PITPNC1: variants seen among roughly 807,000 people sequenced by gnomAD.
PITPNC1 encodes the protein cytoplasmic phosphatidylinositol transfer protein 1.
Under a neutral mutation model 44.7 loss-of-function variants are expected in PITPNC1, and 18 were observed. The ratio of observed to expected loss-of-function variants is 0.40; its 90% CI spans 0.28 to 0.60. The LOEUF (loss-of-function observed/expected upper bound fraction) is 0.60. PITPNC1 is among the 20% of genes least tolerant of loss of function. The pLI is 0.39. For missense variants in PITPNC1, 290 were observed against 418.4 expected (o/e 0.69, Z 2.68); for synonymous variants, 141 against 149.6 (o/e 0.94, Z 0.42).
intron 5 of PITPNC1, among the ~76,000 whole-genome samples, chr17:67,603,587 G>A (rs944504163): frequency 1.9e-4 from 29 of 152,254 alleles, no homozygotes; most frequent in African/African-American, 5.3e-4. Flanking sequence ...CTTGGAGCAC[G>A]TGCTCTCATG....
At chr17:67,476,893 C>T (rs765240788) in intron 1 of PITPNC1, among the ~76,000 whole-genome samples, 1 of 152,140 alleles carries the variant, frequency 6.6e-6, no homozygotes, top group Non-Finnish European at 1.5e-5. Context: ...ATGAACCAGT[C>T]GCATCAGCAT....
chr17:67,410,087 G>T (rs1041050203), intron 1 of PITPNC1, among the ~76,000 whole-genome samples: 1 of 152,170 alleles, frequency 6.6e-6, no homozygotes, highest in African/African-American at 2.4e-5. Context: ...CGATGTGTCA[G>T]AACTACGTTT....
intron 5 of PITPNC1, among the ~76,000 whole-genome samples, chr17:67,579,693 T>A (rs2041202416): frequency 6.9e-6 from 1 of 145,402 alleles, no homozygotes. Context: ...AATCCTAGCA[T>A]GTTGGGAGGC....
intron 1 of PITPNC1, among the ~76,000 whole-genome samples, chr17:67,524,042 C>T (rs2040364270): frequency 6.6e-6 from 1 of 152,002 alleles, no homozygotes; most frequent in Non-Finnish European, 1.5e-5. Context: ...GAACTCCTGA[C>T]CTCGTGATCC....
intron 4 of PITPNC1, among the ~76,000 whole-genome samples, chr17:67,564,101 A>T (rs2040941853): frequency 6.6e-6 from 1 of 152,088 alleles, no homozygotes. Context: ...TAACAGATAG[A>T]TGGATAGATT....
rs1404030818 is a variant in PITPNC1 at position 67,693,785 on chromosome 17, G to C, written c.*897G>C. On this transcript the variant is annotated 3_prime_UTR_variant, in exon 9 of 9. Transcript: ENST00000581322. ...CCACTCAAAGAAGTACAAGGGTAGA[G>C]TAAGCTAACTGGGCTTTAACATGGT... 1 of 152,242 alleles carries C rather than the reference G, an allele frequency of 6.6e-6. No individual in the cohort carries two copies. The highest frequency in any genetic ancestry group is 1.5e-5 in the Non-Finnish European group (1 of 68,040). The allele number at this position is 152,242 out of a possible 1,614,324, so 9.4% of individuals were successfully genotyped here. A position where few individuals can be genotyped will look rare whatever the true frequency, so the allele number is the denominator to read the frequency against.
At chr17:67,426,326 C>T (rs561977013) in intron 1 of PITPNC1, among the ~76,000 whole-genome samples, 43 of 152,150 alleles carry the variant, frequency 2.8e-4, no homozygotes, top group South Asian at 2.5e-3. Context: ...TATTGTGGCA[C>T]GATTTACAAG....
intron 4 of PITPNC1, among the ~76,000 whole-genome samples, chr17:67,572,171 G>A (rs1392305438): frequency 1.3e-5 from 2 of 152,048 alleles, no homozygotes; most frequent in Non-Finnish European, 2.9e-5. Flanking sequence ...AGCAAGTTCA[G>A]GTGTGGTTAC....
In PITPNC1 at chr17:67,676,291, T is replaced by C. The variant is rs1212449140; in HGVS notation, c.682+749T>C. Among the ~76,000 whole-genome samples the C allele has an allele frequency of 1.3e-5, 2 of 152,108 alleles. No homozygotes were observed. Among genetic ancestry groups the C allele is most frequent in the African/African-American group, 4.8e-5 (2 of 41,416 alleles). On this transcript the variant is annotated intron_variant, in intron 8 of 8. Transcript: ENST00000581322. The surrounding 1 kb of genome is among the most constrained non-coding windows in gnomAD (Gnocchi z 4.0). Reference sequence around the variant, plus strand: ...AAGAATTTAAGGGCAGACAGAGGCATAGGTGCCCCGTTCATCCTAATTGAA... The same window carrying C: ...AAGAATTTAAGGGCAGACAGAGGCACAGGTGCCCCGTTCATCCTAATTGAA...
intron 1 of PITPNC1, among the ~76,000 whole-genome samples, chr17:67,488,748 C>A (rs1403901409): frequency 6.6e-6 from 1 of 152,194 alleles, no homozygotes; most frequent in Admixed American, 6.5e-5. Flanking sequence ...CTCCTGGCAG[C>A]CCCTGGCAGC....
In PITPNC1 at chr17:67,377,387, G is replaced by A. The variant is rs2037887664; in HGVS notation, c.-768G>A. ...CACGCACGGCGCCCGGGGAGCCGAG[G>A]GACTCGGGGGAGGGGACGCGCGCGG... On this transcript the variant is annotated 5_prime_UTR_variant, in exon 1 of 9. Coordinates refer to ENST00000581322, the MANE Select transcript of PITPNC1 (RefSeq NM_012417.4). 6.6e-6 allele frequency: 1 copy of A among 152,326 alleles called. No homozygotes were observed. Among genetic ancestry groups the A allele is most frequent in the Admixed American group, 6.6e-5 (1 of 15,260 alleles). The allele number at this position is 152,326 out of a possible 1,614,324, so 9.4% of individuals were successfully genotyped here.
intron 1 of PITPNC1, among the ~76,000 whole-genome samples, chr17:67,453,280 T>G (rs1461544521): frequency 6.6e-6 from 1 of 152,252 alleles, no homozygotes; most frequent in Non-Finnish European, 1.5e-5. Flanking sequence ...TGTCAGTTTC[T>G]AAGTAGTATT....
chr17:67,647,538 G>A (rs1007722460), intron 6 of PITPNC1, among the ~76,000 whole-genome samples: 9 of 126,910 alleles, frequency 7.1e-5, no homozygotes, highest in Admixed American at 4.1e-4. Context: ...GGCTGGTCTC[G>A]AGCTCCTCAG....
chr17:67,386,669 G>T (rs182040410), intron 1 of PITPNC1, among the ~76,000 whole-genome samples: 58 of 152,308 alleles, frequency 3.8e-4, no homozygotes, highest in Admixed American at 2.7e-3. Context: ...TACTGGAAAA[G>T]TACATCTAGG....
chr17:67,537,153 A>G (rs950256347), intron 2 of PITPNC1, among the ~76,000 whole-genome samples: 5 of 152,238 alleles, frequency 3.3e-5, no homozygotes, highest in African/African-American at 4.8e-5. Context: ...GTACTTATTC[A>G]GAGTAAAGTC....
At chr17:67,520,399 G>T (rs2040310071) in intron 1 of PITPNC1, among the ~76,000 whole-genome samples, 1 of 152,198 alleles carries the variant, frequency 6.6e-6, no homozygotes, top group Non-Finnish European at 1.5e-5. Flanking sequence ...AAACACAAGA[G>T]CCTTGATTGC....
intron 1 of PITPNC1, among the ~76,000 whole-genome samples, chr17:67,495,037 G>GTTGTTTTTTTT (rs1188303540): frequency 1.3e-5 from 1 of 79,376 alleles, no homozygotes. Context: ...GAGCCATGGA[G>GTTGTTTTTTTT]TTGTTTTTTT....
intron 1 of PITPNC1, among the ~76,000 whole-genome samples, chr17:67,402,189 A>G (rs1313746493): frequency 6.6e-6 from 1 of 152,238 alleles, no homozygotes; most frequent in Non-Finnish European, 1.5e-5. Context: ...GTAACATTTT[A>G]TTTGTGGACA....
intron 4 of PITPNC1, among the ~76,000 whole-genome samples, chr17:67,560,803 A>G (rs531431573): frequency 6.6e-6 from 1 of 152,328 alleles, no homozygotes; most frequent in East Asian, 1.9e-4. Context: ...CAGGTGATAG[A>G]ACACGTGGCT....
Sources: gnomAD v4.1 joint callset for allele counts (sites outside exome capture counted in the v4.1 genomes callset) on GRCh38, gnomAD v4.1.1 for gene constraint, Gnocchi (gnomAD v3.1) non-coding constraint, MANE v1.5 for transcripts, NCBI Gene and HGNC (gene_info 2026-07-23, HGNC 2026-07-21) for gene names.